LRGUK: variants seen among roughly 807,000 people sequenced by gnomAD.
LRGUK encodes the protein leucine-rich repeat and guanylate kinase domain-containing protein.
In LRGUK, 65 loss-of-function variants were observed where a neutral mutation model predicts 76.0. The observed-to-expected ratio is 0.85, with a 90% CI of 0.70 to 1.05. The LOEUF is 1.05. LRGUK is among the 50% of genes least tolerant of loss of function. The pLI, the probability that LRGUK is intolerant of heterozygous loss-of-function variation, is 0.00. For synonymous variants in LRGUK, 268 were observed against 265.6 expected, an observed-to-expected ratio of 1.01 and a Z score of -0.09; for missense variants, 758 against 732.8, an observed-to-expected ratio of 1.03 and a Z score of -0.40.
intron 18 of LRGUK, among the ~76,000 whole-genome samples, chr7:134,253,640 AC>A (rs1254939817): frequency 1.3e-5 from 2 of 152,024 alleles, no homozygotes; most frequent in African/African-American, 2.4e-5. Flanking sequence ...CATGGCAAAA[AC>A]CCATCTCTAC....
At chr7:134,155,628 C>T (rs1226100147) in intron 5 of LRGUK, among the ~76,000 whole-genome samples, 1 of 152,178 alleles carries the variant, frequency 6.6e-6, no homozygotes, top group South Asian at 2.1e-4. Flanking sequence ...AGGTAGAGGA[C>T]GTGCTTCCTT....
chr7:134,167,378 C>G (rs537879058), intron 7 of LRGUK, among the ~76,000 whole-genome samples: 1 of 152,326 alleles, frequency 6.6e-6, no homozygotes, highest in South Asian at 2.1e-4. Flanking sequence ...CCCCTGACCC[C>G]TTTCTTAATG....
chr7:134,129,906 C>A (rs55861416), intron 1 of LRGUK, among the ~76,000 whole-genome samples: 20,273 of 152,082 alleles, frequency 0.13, 1,659 homozygotes, highest in East Asian at 0.32. Context: ...TCCCTTTCAC[C>A]AACTCCTTTC....
intron 15 of LRGUK, among the ~76,000 whole-genome samples, chr7:134,217,269 A>G (rs1801460696): frequency 6.6e-6 from 1 of 151,936 alleles, no homozygotes; most frequent in African/African-American, 2.4e-5. Context: ...AGACATTACA[A>G]TGTATGAAGT....
At chr7:134,263,403 C>CTGTGTGTGTGTGTCTGTGTGTGTG (rs1554479224) in intron 19 of LRGUK, among the ~76,000 whole-genome samples, 2 of 142,178 alleles carry the variant, frequency 1.4e-5, no homozygotes, top group African/African-American at 5.7e-5. Flanking sequence ...CTTCACTTCA[C>CTGTGTGTGTGTGTCTGTGTGTGTG]TGTGTGTGTG....
chr7:134,165,813 T>C (rs1798954797), intron 7 of LRGUK, among the ~76,000 whole-genome samples: 1 of 152,194 alleles, frequency 6.6e-6, no homozygotes, highest in South Asian at 2.1e-4. Flanking sequence ...ACCTCATAAA[T>C]AGTATGTTGT....
downstream of LRGUK, among the ~76,000 whole-genome samples, chr7:134,210,888 A>G (rs1214687551): frequency 6.6e-6 from 1 of 152,244 alleles, no homozygotes; most frequent in Non-Finnish European, 1.5e-5. Flanking sequence ...GCCACTCCCC[A>G]GAACCAGGTG....
chr7:134,228,914 T>C (rs2117169853), intron 16 of LRGUK, among the ~76,000 whole-genome samples: 1 of 152,234 alleles, frequency 6.6e-6, no homozygotes, highest in East Asian at 1.9e-4. Flanking sequence ...TAATTCAACA[T>C]GGTGTCAGAG....
chr7:134,163,218 C>T (rs1012787187), intron 6 of LRGUK, among the ~76,000 whole-genome samples, 179 bp from the exon 7 acceptor site: 1 of 152,018 alleles, frequency 6.6e-6, no homozygotes, highest in African/African-American at 2.4e-5. Context: ...GAACTTCTTT[C>T]TGGGGTATGT....
downstream of LRGUK, among the ~76,000 whole-genome samples, chr7:134,212,151 C>A (rs1208586570): frequency 6.6e-6 from 1 of 152,204 alleles, no homozygotes; most frequent in Admixed American, 6.5e-5. Context: ...TAATCCTAAT[C>A]CAAAGAAAGT....
chr7:134,196,553 G>T (rs1279559843), intron 12 of LRGUK, among the ~76,000 whole-genome samples: 2 of 152,128 alleles, frequency 1.3e-5, no homozygotes, highest in Admixed American at 1.3e-4. Context: ...GCTTATCTTG[G>T]TAATGCAAGG....
downstream of LRGUK, among the ~76,000 whole-genome samples, chr7:134,268,007 G>A (rs1802890297): frequency 6.6e-6 from 1 of 152,034 alleles, no homozygotes; most frequent in Admixed American, 6.6e-5. Context: ...AGTGCCGAAA[G>A]GGAAATTTAT....
chr7:134,153,712 T>C (rs1410802649), intron 5 of LRGUK, among the ~76,000 whole-genome samples: 1 of 152,182 alleles, frequency 6.6e-6, no homozygotes, highest in African/African-American at 2.4e-5. Context: ...AATTACAACT[T>C]TTGTCACAGA....
downstream of LRGUK, among the ~76,000 whole-genome samples, chr7:134,267,749 G>A (rs560209166): frequency 8.5e-5 from 13 of 152,090 alleles, no homozygotes; most frequent in South Asian, 4.2e-4. Context: ...CCCAGTCTAC[G>A]GTATGTCTTT....
chr7:134,161,868 T>G (rs1798752547), intron 6 of LRGUK, among the ~76,000 whole-genome samples: 2 of 115,090 alleles, frequency 1.7e-5, no homozygotes, highest in South Asian at 6.1e-4. Flanking sequence ...TTTTTTGTAT[T>G]TTTTTAGTAG....
intron 10 of LRGUK, among the ~76,000 whole-genome samples, chr7:134,180,180 C>T (rs768820843): frequency 6.6e-6 from 1 of 152,164 alleles, no homozygotes; most frequent in Non-Finnish European, 1.5e-5. Context: ...AATAGTATTT[C>T]CCAATTCCAG....
At chr7:134,144,465 G>A (rs1209299607) in intron 4 of LRGUK, among the ~76,000 whole-genome samples, 1 of 152,114 alleles carries the variant, frequency 6.6e-6, no homozygotes, top group Non-Finnish European at 1.5e-5. Flanking sequence ...CCATCAGGTG[G>A]CTCTAATGTG....
chr7:134,242,507 A>C (rs1223084620), intron 16 of LRGUK, among the ~76,000 whole-genome samples: 1 of 152,230 alleles, frequency 6.6e-6, no homozygotes, highest in Non-Finnish European at 1.5e-5. Context: ...AACCAGGAAG[A>C]AGCTGAATCC....
At chr7:134,221,137 A>G (rs113082148) in intron 15 of LRGUK, among the ~76,000 whole-genome samples, 147 of 152,268 alleles carry the variant, frequency 9.7e-4, no homozygotes, top group African/African-American at 3.4e-3. Context: ...TGCTCAGTCC[A>G]TCATATTGAC....
Sources: gnomAD v4.1 joint callset for allele counts (sites outside exome capture counted in the v4.1 genomes callset) on GRCh38, gnomAD v4.1.1 for gene constraint, MANE v1.5 for transcripts, NCBI Gene and HGNC (gene_info 2026-07-23, HGNC 2026-07-21) for gene names.